The following FSIP2 variants were observed in gnomAD, a reference collection of about 807,000 sequenced individuals.
FSIP2 encodes fibrous sheath-interacting protein 2.
Under a neutral mutation model 510.5 loss-of-function variants are expected in FSIP2, and 367 were observed. That is an observed-to-expected ratio of 0.72 (90% CI 0.66 to 0.78). The LOEUF (loss-of-function observed/expected upper bound fraction) is 0.78. Among genes scored for constraint, FSIP2 ranks in the 30% least tolerant of loss-of-function variants. The probability of loss-of-function intolerance (pLI) is 0.00; values close to 1 mark genes in which losing one functional copy is unlikely to be tolerated. For missense variants in FSIP2, 7,594 were observed against 7,901.7 expected (o/e 0.96, Z 1.48); for synonymous variants, 2,601 against 2,732.2 (o/e 0.95, Z 1.50).
Position 185,789,606 on chromosome 2 carries a change from G to T in FSIP2, c.2470G>T (p.Val824Leu). Residue 824 changes from valine to leucine, a missense_variant, in exon 16 of 23, where the codon GTG becomes TTG. Transcript: ENST00000424728. Reference protein sequence around the residue: ...DPMCDIAEDMVHAILEKLMTL... With the variant: ...DPMCDIAEDMLHAILEKLMTL... Reference sequence around the variant, plus strand: ...AATGTGTGATATTGCAGAGGACATGGTGCATGCCATTTTAGAAAAGCTAAT... The same window carrying T: ...AATGTGTGATATTGCAGAGGACATGTTGCATGCCATTTTAGAAAAGCTAAT... 1.3e-6 allele frequency: 2 copies of T among 1,534,782 alleles called. No individual in the cohort carries two copies. The highest frequency in any genetic ancestry group is 1.7e-6 in the Non-Finnish European group (2 of 1,145,882).
chr2:185,796,029 A>G lies in FSIP2; in HGVS notation c.8893A>G (p.Ser2965Gly). The stretch of plus-strand genomic sequence containing the variant: ...TAAATATGGTTTTCCAAACAAGCAT[A>G]GCCTCAGCAGTTTACCAATCTATAA... ...KSKYGFPNKH[S>G]LSSLPIYNTK... is the part of the protein sequence containing the mutation. The change falls in exon 16 of 23, where the codon AGC (serine) becomes GGC (glycine). Residue 2965 changes from serine to glycine, a missense_variant. Coordinates refer to ENST00000424728, the MANE Select transcript of FSIP2 (RefSeq NM_173651.4). 6.5e-7 allele frequency: 1 copy of G among 1,532,732 alleles called. No individual in the cohort carries two copies. Among genetic ancestry groups the G allele is most frequent in the Non-Finnish European group, 8.7e-7 (1 of 1,145,448 alleles). 94.9% of individuals were successfully genotyped at this position (1,532,732 alleles called of 1,614,324 possible). A position where few individuals can be genotyped will look rare whatever the true frequency, so the allele number is the denominator to read the frequency against.
chr2:185,774,754 C>T (rs1443732096), intron 13 of FSIP2, among the ~76,000 whole-genome samples: 2 of 112,980 alleles, frequency 1.8e-5, no homozygotes, highest in Non-Finnish European at 3.6e-5. Flanking sequence ...ACAACAGTCC[C>T]CAGAGTGTGA....
intron 5 of FSIP2, 125 bp downstream of exon 5, chr2:185,745,693 GAGGA>G (rs1692015499): frequency 1.2e-6 from 1 of 832,740 alleles, no homozygotes; most frequent in Admixed American, 3.8e-5. Flanking sequence ...TCAGAGTGTA[GAGGA>G]AGGAAGTGAA....
intron 13 of FSIP2, 133 bp from the exon 14 acceptor site, chr2:185,782,572 C>T: frequency 1.6e-6 from 1 of 641,424 alleles, no homozygotes; most frequent in Non-Finnish European, 2.8e-6. Flanking sequence ...CTTTGGACTT[C>T]ACTGTGGAGA....
chr2:185,794,301 G>A lies in FSIP2; in HGVS notation c.7165G>A (p.Val2389Met). 6.6e-7 allele frequency: 1 copy of A among 1,524,302 alleles called. No homozygotes were observed. The highest frequency in any genetic ancestry group is 8.8e-7 in the Non-Finnish European group (1 of 1,140,668). 94.4% of individuals were successfully genotyped at this position (1,524,302 alleles called of 1,614,324 possible). The change falls in exon 16 of 23, where the codon GTG becomes ATG. Residue 2389 changes from valine (V) to methionine (M), a missense_variant. Coordinates refer to ENST00000424728, the MANE Select transcript of FSIP2 (RefSeq NM_173651.4). Reference sequence around the variant, plus strand: ...TATTTTGTTCCAAGAAAACATCATTGTGAGTGAAATTGTTGACAGTATGTT... The same window carrying A: ...TATTTTGTTCCAAGAAAACATCATTATGAGTGAAATTGTTGACAGTATGTT... Reference protein sequence around the residue: ...NNILFQENIIVSEIVDSMLKM... With the variant: ...NNILFQENIIMSEIVDSMLKM...
At position 185,800,628 on chromosome 2, in the gene FSIP2, T is replaced by A. The variant is rs1317393152; in HGVS notation, c.11322T>A (p.Pro3774=). Residue 3774 remains proline (P), a synonymous_variant, in exon 17 of 23, where the codon CCT becomes CCA. Coordinates refer to ENST00000424728, the MANE Select transcript of FSIP2 (RefSeq NM_173651.4). ...AAGAATGCACAAGCACTGCTTTTCC[T>A]GATAAAGGGTCTGTTTCAGAGGAAA... ...LLEECTSTAF[P]DKGSVSEETS... The A allele has an allele frequency of 1.3e-6, 2 of 1,533,700 alleles. No individual in the cohort carries two copies.
chr2:185,792,467 T>C lies in FSIP2; in HGVS notation c.5331T>C (p.Ile1777=). 1 of 1,531,080 alleles carries C rather than the reference T, an allele frequency of 6.5e-7. No individual in the cohort carries two copies. Among genetic ancestry groups the C allele is most frequent in the African/African-American group, 1.4e-5 (1 of 72,894 alleles). The allele number at this position is 1,531,080 out of a possible 1,614,324, so 94.8% of individuals were successfully genotyped here. ...VKLKEPHISP[I]APIIRNILNE... ...TCAAAGAACCACATATATCTCCAAT[T>C]GCTCCCATTATAAGAAATATTTTGA... Residue 1777 remains isoleucine (I), a synonymous_variant, in exon 16 of 23, where the codon ATT becomes ATC. Transcript: ENST00000424728.
At chr2:185,788,585 A>T (rs1693041708) in intron 15 of FSIP2, 58 bp from the exon 16 acceptor site, 1 of 1,244,252 alleles carries the variant, frequency 8.0e-7, no homozygotes, top group Admixed American at 3.1e-5. Flanking sequence ...TCTGTCTCCA[A>T]AACATAGAGT....
chr2:185,737,570 C>T (rs1380361280), upstream of FSIP2, among the ~76,000 whole-genome samples: 1 of 152,030 alleles, frequency 6.6e-6, no homozygotes, highest in Admixed American at 6.5e-5. Context: ...TGGGGACCAA[C>T]TAAACATGGG....
rs1432635995 is a variant in FSIP2, at chr2:185,789,661, T to G, written c.2525T>G (p.Phe842Cys). ...CTTGTTTCTTTTAAGCAAAATGAAT[T>G]TCTTCATCTTAAAGACACAAATAAG... ...MTLVSFKQNE[F>C]LHLKDTNKLS... Residue 842 changes from phenylalanine (F) to cysteine (C), a missense_variant, in exon 16 of 23, where the codon TTT becomes TGT. By Grantham distance (205) the Phe-to-Cys change is radical (BLOSUM62 -2). Coordinates refer to ENST00000424728, the MANE Select transcript of FSIP2 (RefSeq NM_173651.4). 1 of 1,534,144 alleles carries G rather than the reference T, an allele frequency of 6.5e-7. No individual in the cohort carries two copies. Among genetic ancestry groups the G allele is most frequent in the Non-Finnish European group, 8.7e-7 (1 of 1,145,668 alleles).
At chr2:185,828,082 G>GTA in intron 20 of FSIP2, 74 bp from the exon 21 acceptor site, 1 of 817,694 alleles carries the variant, frequency 1.2e-6, no homozygotes, top group Non-Finnish European at 2.1e-6. Context: ...TAAATAATAT[G>GTA]ATCAGATTTG....
Position 185,803,757 on chromosome 2 carries a change from T to G in FSIP2, c.14451T>G (p.Thr4817=). 1.3e-6 allele frequency: 2 copies of G among 1,531,284 alleles called. No homozygotes were observed. Among genetic ancestry groups the G allele is most frequent in the Non-Finnish European group, 8.7e-7 (1 of 1,143,886 alleles). The allele number at this position is 1,531,284 out of a possible 1,614,324, so 94.9% of individuals were successfully genotyped here. Residue 4817 remains threonine (T), a synonymous_variant, in exon 17 of 23, where the codon ACT becomes ACG. Coordinates refer to ENST00000424728, the MANE Select transcript of FSIP2 (RefSeq NM_173651.4). ...PLNTSAEQSD[T]TKSDLSNTVI... Reference sequence around the variant, plus strand: ...ACACCAGTGCAGAGCAGTCAGATACTACTAAATCAGACTTAAGTAATACAG... The same window carrying G: ...ACACCAGTGCAGAGCAGTCAGATACGACTAAATCAGACTTAAGTAATACAG...
chr2:185,816,821 A>T (rs1437887207), intron 19 of FSIP2, among the ~76,000 whole-genome samples: 1 of 151,292 alleles, frequency 6.6e-6, no homozygotes, highest in Non-Finnish European at 1.5e-5. Flanking sequence ...TTGCCACTGC[A>T]CTTTAGCCTA....
rs771558927 is a variant in FSIP2 at position 185,813,745 on chromosome 2, A to G, written c.20028A>G (p.Lys6676=). The stretch of plus-strand genomic sequence containing the variant: ...TTGTTTTAACACAGACTTTTGCAAA[A>G]GAAGAAGGCATCAAAGTATTTGAAG... ...DEVVLTQTFA[K]EEGIKVFEDQ... Residue 6676 remains lysine, a synonymous_variant, in exon 18 of 23, where the codon AAA becomes AAG. Coordinates refer to ENST00000424728, the MANE Select transcript of FSIP2 (RefSeq NM_173651.4). 7 of 1,612,608 alleles carry G rather than the reference A, an allele frequency of 4.3e-6. No individual in the cohort carries two copies. Among genetic ancestry groups the G allele is most frequent in the Non-Finnish European group, 5.9e-6 (7 of 1,179,438 alleles).
At chr2:185,788,046 T>C (rs1031068511) in intron 15 of FSIP2, 1 of 151,738 alleles carries the variant, frequency 6.6e-6, no homozygotes, top group Non-Finnish European at 1.5e-5. Context: ...GCTTTTATTT[T>C]TGCCTATCAA....
At chr2:185,828,787 G>A (rs551415592) in intron 21 of FSIP2, among the ~76,000 whole-genome samples, 16 of 151,794 alleles carry the variant, frequency 1.1e-4, no homozygotes, top group South Asian at 2.1e-4. Flanking sequence ...ACACATCTTC[G>A]TCTGTGTTTT....
chr2:185,793,461 A>T lies in FSIP2; in HGVS notation c.6325A>T (p.Asn2109Tyr). Residue 2109 changes from asparagine to tyrosine, a missense_variant, in exon 16 of 23, where the codon AAT becomes TAT. Physicochemically the swap from Asn to Tyr is moderately radical, Grantham distance 143. Coordinates refer to ENST00000424728, the MANE Select transcript of FSIP2 (RefSeq NM_173651.4). ...TATTTATGAAAAAACCCTGTTTCAG[A>T]ATAATCTCTCATTTGCCACACCCAC... is the stretch of plus-strand genomic sequence containing the variant. ...CDIYEKTLFQ[N>Y]NLSFATPTLK... is the part of the protein sequence containing the mutation. 6.5e-7 allele frequency: 1 copy of T among 1,534,494 alleles called. No homozygotes were observed. Among genetic ancestry groups the T allele is most frequent in the Non-Finnish European group, 8.7e-7 (1 of 1,145,706 alleles).
At position 185,793,570 on chromosome 2, in the gene FSIP2, T is replaced by G. The variant is rs2105620179; in HGVS notation, c.6434T>G (p.Leu2145Arg). Residue 2145 changes from leucine to arginine, a missense_variant, in exon 16 of 23, where the codon CTT becomes CGT. Physicochemically the swap from Leu to Arg is moderately radical, Grantham distance 102. Coordinates refer to ENST00000424728, the MANE Select transcript of FSIP2 (RefSeq NM_173651.4). ...GGTGCAAATAAGATTATTCCTAAGC[T>G]TTCAGTTCCTAAATCAGATGTCATT... ...MEGANKIIPKLSVPKSDVILI... is the reference protein window; with the variant it reads ...MEGANKIIPKRSVPKSDVILI... 6.5e-7 allele frequency: 1 copy of G among 1,534,302 alleles called. No individual in the cohort carries two copies. Among genetic ancestry groups the G allele is most frequent in the East Asian group, 2.4e-5 (1 of 40,834 alleles).
At chr2:185,755,170 CA>C (rs1692220116) in intron 8 of FSIP2, among the ~76,000 whole-genome samples, 1 of 151,526 alleles carries the variant, frequency 6.6e-6, no homozygotes, top group Non-Finnish European at 1.5e-5. Context: ...GTGAATCTCT[CA>C]AGTAGTTTGC....
Sources: allele counts gnomAD v4.1 joint callset (sites outside exome capture counted in the v4.1 genomes callset), GRCh38; gene constraint gnomAD v4.1.1; transcripts MANE v1.5; gene names NCBI Gene and HGNC (gene_info 2026-07-23, HGNC 2026-07-21).